MAP2K1: variants seen among roughly 807,000 people sequenced by gnomAD.
MAP2K1 encodes the protein dual specificity mitogen-activated protein kinase kinase 1.
A neutral mutation model predicts 46.3 loss-of-function variants in MAP2K1; 16 were observed. The observed-to-expected ratio is 0.35, with a 90% confidence interval of 0.23 to 0.52. The LOEUF is 0.52. MAP2K1 is among the 20% of genes least tolerant of loss of function. MAP2K1 has a pLI of 0.94. For missense variants in MAP2K1, 263 were observed against 497.1 expected (o/e 0.53, Z 4.48); for synonymous variants, 183 against 185.6 (o/e 0.99, Z 0.11).
chr15:66,413,771 C>T (rs2093417300), intron 1 of MAP2K1, among the ~76,000 whole-genome samples: 1 of 152,166 alleles, frequency 6.6e-6, no homozygotes, highest in African/African-American at 2.4e-5. Context: ...GTGTGTGATA[C>T]AGCACAGGCT....
At chr15:66,401,919 T>C in intron 1 of MAP2K1, 1 of 1,241,484 alleles carries the variant, frequency 8.1e-7, no homozygotes. Flanking sequence ...GGTGCATCGG[T>C]TCGGGTCGAA....
At chr15:66,455,823 A>G in intron 5 of MAP2K1, among the ~76,000 whole-genome samples, 1 of 152,240 alleles carries the variant, frequency 6.6e-6, no homozygotes, top group East Asian at 1.9e-4. Flanking sequence ...AGCTCTGGCT[A>G]GCTCAACTGG....
At chr15:66,396,632 T>G (rs1733786234) in intron 1 of MAP2K1, among the ~76,000 whole-genome samples, 1 of 152,182 alleles carries the variant, frequency 6.6e-6, no homozygotes, top group Non-Finnish European at 1.5e-5. Context: ...TAGTCTTTTC[T>G]GAGCAACTCC....
chr15:66,457,947 GAGCAAGACTGTCTCAGAAAAAAAAA>G (rs892578361), intron 5 of MAP2K1, among the ~76,000 whole-genome samples: 4 of 146,082 alleles, frequency 2.7e-5, no homozygotes, highest in African/African-American at 1.0e-4. Flanking sequence ...TGGGTAACAA[GAGCAAGACTGTCTCAGAAAAAAAAA>G]AAAAAAGAAT....
intron 5 of MAP2K1, chr15:66,453,510 C>A (rs767433637): frequency 3.1e-5 from 22 of 702,172 alleles, no homozygotes; most frequent in South Asian, 3.1e-4. Context: ...TGGAATGGTA[C>A]CTGTGCACCA....
chr15:66,391,197 C>T (rs1314447438), intron 1 of MAP2K1, among the ~76,000 whole-genome samples: 4 of 152,020 alleles, frequency 2.6e-5, no homozygotes, highest in Non-Finnish European at 5.9e-5. Flanking sequence ...TGGCGCTCAC[C>T]TGAGCTTTTA....
At chr15:66,395,035 C>G (rs936010860) in intron 1 of MAP2K1, among the ~76,000 whole-genome samples, 11 of 152,148 alleles carry the variant, frequency 7.2e-5, no homozygotes, top group Non-Finnish European at 1.0e-4. Flanking sequence ...TCCAGTTTCA[C>G]TTATTTATGC....
chr15:66,484,874 G>A lies in MAP2K1; in HGVS notation c.694-116G>A. ...GCAGGAGGCCAAATTCAAGAGGTTA[G>A]TGGAGCTCTTGAAACAGGATATGAA... On this transcript the variant is annotated intron_variant, in intron 6 of 10. Coordinates refer to ENST00000307102, the MANE Select transcript of MAP2K1 (RefSeq NM_002755.4). The A allele has an allele frequency of 4.4e-6, 4 of 911,710 alleles. No homozygotes were observed. In the South Asian group the frequency reaches 5.2e-5, roughly 12 times the overall value. 56.5% of individuals were successfully genotyped at this position (911,710 alleles called of 1,614,324 possible). A position where few individuals can be genotyped will look rare whatever the true frequency, so the allele number is the denominator to read the frequency against.
intron 1 of MAP2K1, among the ~76,000 whole-genome samples, chr15:66,420,793 GTATATATATGTGTATATATATGTGTA>G (rs2093437881): frequency 5.7e-5 from 2 of 35,080 alleles, no homozygotes; most frequent in African/African-American, 1.8e-4. Context: ...ATATATGTGT[GTATATATATGTGTATATATATGTGTA>G]TATATATATG....
At chr15:66,440,578 G>A (rs2093501066) in intron 3 of MAP2K1, among the ~76,000 whole-genome samples, 1 of 152,188 alleles carries the variant, frequency 6.6e-6, no homozygotes, top group East Asian at 1.9e-4. Context: ...TATCTTTGGG[G>A]AAGTAGATTG....
At chr15:66,399,750 C>A (rs538982579) in intron 1 of MAP2K1, among the ~76,000 whole-genome samples, 1 of 152,316 alleles carries the variant, frequency 6.6e-6, no homozygotes, top group African/African-American at 2.4e-5. Context: ...GCATGTGCCA[C>A]CATGCCTGGG....
At position 66,394,183 on chromosome 15, in the gene MAP2K1, A is replaced by G. The variant is rs747944157; in HGVS notation, c.80+6756A>G. On this transcript the variant is annotated intron_variant, in intron 1 of 10. Coordinates refer to ENST00000307102, the MANE Select transcript of MAP2K1 (RefSeq NM_002755.4). ...GTATAAAATTTCTTTGAAGGCTATA[A>G]GGTGCCGAATAACCTTAGGAGGGTT... Among the ~76,000 whole-genome samples the G allele has an allele frequency of 2.0e-5, 3 of 152,314 alleles. No homozygotes were observed. The South Asian group carries it at 6.2e-4, about 32-fold the overall frequency.
intron 1 of MAP2K1, among the ~76,000 whole-genome samples, chr15:66,434,570 G>T (rs1172528190): frequency 6.6e-6 from 1 of 152,104 alleles, no homozygotes; most frequent in Non-Finnish European, 1.5e-5. Context: ...TGAAAATGAG[G>T]ATTTCTACTG....
chr15:66,460,350 C>T (rs1567017754), intron 5 of MAP2K1, among the ~76,000 whole-genome samples: 1 of 152,086 alleles, frequency 6.6e-6, no homozygotes, highest in Non-Finnish European at 1.5e-5. Context: ...TTTAGGGAAG[C>T]ATGGAGGAGA....
intron 6 of MAP2K1, among the ~76,000 whole-genome samples, chr15:66,484,509 C>T (rs939344658): frequency 2.0e-5 from 3 of 152,262 alleles, no homozygotes; most frequent in African/African-American, 4.8e-5. Context: ...TTGTAAGTCC[C>T]GGAATTGGGA....
At chr15:66,413,679 C>G (rs1466857805) in intron 1 of MAP2K1, among the ~76,000 whole-genome samples, 1 of 151,744 alleles carries the variant, frequency 6.6e-6, no homozygotes, top group Non-Finnish European at 1.5e-5. Flanking sequence ...CTGGGTTAGA[C>G]TCAAGTTTGG....
chr15:66,438,732 A>G (rs2140588664), intron 3 of MAP2K1, among the ~76,000 whole-genome samples: 1 of 152,310 alleles, frequency 6.6e-6, no homozygotes, highest in Middle Eastern at 3.4e-3. Context: ...CGTGGAGAGC[A>G]TGAGACTGGG....
intron 5 of MAP2K1, among the ~76,000 whole-genome samples, chr15:66,470,091 C>CTTTTTTTTTTTT (rs1567021186): frequency 9.0e-5 from 5 of 55,714 alleles, no homozygotes; most frequent in South Asian, 6.6e-4. Flanking sequence ...ACTTTTTTTT[C>CTTTTTTTTTTTT]TTGTTTTTTT....
At chr15:66,480,316 C>CT (rs1171921198) in intron 5 of MAP2K1, among the ~76,000 whole-genome samples, 1 of 152,142 alleles carries the variant, frequency 6.6e-6, no homozygotes, top group East Asian at 1.9e-4. Context: ...TCTCAAACTC[C>CT]TGACCTCAGG....
Sources: allele counts gnomAD v4.1 joint callset (sites outside exome capture counted in the v4.1 genomes callset), GRCh38; gene constraint gnomAD v4.1.1; transcripts MANE v1.5; gene names NCBI Gene and HGNC (gene_info 2026-07-23, HGNC 2026-07-21).